Variants in SLC26A5 observed in about 807,000 individuals in gnomAD.
SLC26A5 encodes the protein solute carrier family 26 member 5, also known as prestin.
In SLC26A5, 51 loss-of-function variants were observed where a neutral mutation model predicts 81.0. That is an observed-to-expected ratio of 0.63 (90% CI 0.50 to 0.80). SLC26A5 has a LOEUF of 0.80. Ranked by LOEUF, SLC26A5 falls within the 30% of genes least tolerant of loss-of-function variation. SLC26A5 has a pLI of 0.00. For missense variants in SLC26A5, 771 were observed against 905.8 expected, an observed-to-expected ratio of 0.85 and a Z score of 1.91; for synonymous variants, 325 against 332.8, an observed-to-expected ratio of 0.98 and a Z score of 0.25.
intron 9 of SLC26A5, among the ~76,000 whole-genome samples, chr7:103,393,272 T>C (rs1822821107): frequency 6.6e-6 from 1 of 152,216 alleles, no homozygotes; most frequent in African/African-American, 2.4e-5. Context: ...AAAGTGCAGC[T>C]TTCTACCTGG....
chr7:103,378,357 G>A (rs575293791), intron 17 of SLC26A5, 89 bp downstream of exon 17: 59 of 1,272,810 alleles, frequency 4.6e-5, no homozygotes, highest in African/African-American at 8.8e-5. Context: ...TAGTAACTTC[G>A]TGCTGTGTTT....
chr7:103,368,978 A>G (rs2116284968), intron 19 of SLC26A5: 1 of 152,300 alleles, frequency 6.6e-6, no homozygotes, highest in African/African-American at 2.4e-5. Context: ...CCTATCTTCT[A>G]CCACAATTAC....
downstream of SLC26A5, among the ~76,000 whole-genome samples, chr7:103,372,719 C>T (rs1821105996): frequency 6.6e-6 from 1 of 152,066 alleles, no homozygotes. Flanking sequence ...AAAACATGGT[C>T]TTTAATGCTA....
rs1328285261 is a variant in SLC26A5 at position 103,421,496 on chromosome 7, T to C, written c.19A>G (p.Asn7Asp). 11 of 1,613,982 alleles carry C rather than the reference T, an allele frequency of 6.8e-6. No homozygotes were observed. The highest frequency in any genetic ancestry group is 6.8e-6 in the Non-Finnish European group (8 of 1,179,974). MDHAEE[N>D]EILAATQRYY... is the part of the protein sequence containing the mutation. Reference sequence around the variant, plus strand: ...CTCTGGGTTGCTGCAAGGATTTCATTTTCTTCAGCATGATCCATAGTACTC... The same window carrying C: ...CTCTGGGTTGCTGCAAGGATTTCATCTTCTTCAGCATGATCCATAGTACTC... Residue 7 changes from asparagine (N) to aspartate (D), a missense_variant, in exon 3 of 20, where the codon AAT (asparagine) becomes GAT (aspartate). Transcript: ENST00000306312.
At position 103,413,107 on chromosome 7, in the gene SLC26A5, C is replaced by T. The variant is rs1326313261; in HGVS notation, c.298G>A (p.Ala100Thr). Reference sequence around the variant, plus strand: ...GGCACAGCTGCCAGCATTGCAAAGGCTAAGCCTGTGGGATTAAAAACCAAA... The same window carrying T: ...GGCACAGCTGCCAGCATTGCAAAGGTTAAGCCTGTGGGATTAAAAACCAAA... The part of the protein sequence containing the change: ...TGVLQLPQGL[A>T]FAMLAAVPPI... Residue 100 changes from alanine (A) to threonine (T), a missense_variant, in exon 5 of 20, where the codon GCC becomes ACC. Transcript: ENST00000306312. 1 of 1,611,464 alleles carries T rather than the reference C, an allele frequency of 6.2e-7. No homozygotes were observed. The highest frequency in any genetic ancestry group is 8.5e-7 in the Non-Finnish European group (1 of 1,177,878).
At chr7:103,400,569 T>G (rs1474065279) in intron 8 of SLC26A5, among the ~76,000 whole-genome samples, 1 of 152,252 alleles carries the variant, frequency 6.6e-6, no homozygotes, top group East Asian at 1.9e-4. Flanking sequence ...CTCTTTAGTT[T>G]AATTAGATCC....
intron 14 of SLC26A5, among the ~76,000 whole-genome samples, chr7:103,381,431 CA>C (rs975679832): frequency 6.6e-6 from 1 of 151,028 alleles, no homozygotes; most frequent in Non-Finnish European, 1.5e-5. Flanking sequence ...ACACACCACA[CA>C]TACACAATAT....
At chr7:103,368,337 C>G (rs1410257567) in intron 19 of SLC26A5, 1 of 242,614 alleles carries the variant, frequency 4.1e-6, no homozygotes, top group Non-Finnish European at 7.8e-6. Flanking sequence ...GCCGGGTGCT[C>G]TACATATAAA....
At chr7:103,395,932 T>C (rs182890413) in intron 9 of SLC26A5, among the ~76,000 whole-genome samples, 2 of 152,272 alleles carry the variant, frequency 1.3e-5, no homozygotes, top group African/African-American at 4.8e-5. Flanking sequence ...TACTAATAAG[T>C]AGTTAACACG....
intron 9 of SLC26A5, among the ~76,000 whole-genome samples, chr7:103,394,612 T>G (rs934933450): frequency 4.3e-4 from 65 of 152,350 alleles, no homozygotes; most frequent in Admixed American, 9.1e-4. Flanking sequence ...AATGCACTGC[T>G]CATTTACCAA....
At chr7:103,381,248 CACAT>C (rs1330684337) in intron 14 of SLC26A5, among the ~76,000 whole-genome samples, 8 of 151,608 alleles carry the variant, frequency 5.3e-5, no homozygotes, top group African/African-American at 1.5e-4. Context: ...GCAATACACA[CACAT>C]ACAATGTATA....
At chr7:103,412,456 T>C (rs894968801) in intron 5 of SLC26A5, among the ~76,000 whole-genome samples, 1 of 152,110 alleles carries the variant, frequency 6.6e-6, no homozygotes, top group African/African-American at 2.4e-5. Flanking sequence ...TTTCAACAAT[T>C]GCCCTTTTAC....
downstream of SLC26A5, among the ~76,000 whole-genome samples, chr7:103,372,765 A>T (rs1297856528): frequency 3.3e-5 from 5 of 152,124 alleles, no homozygotes; most frequent in Non-Finnish European, 7.4e-5. Flanking sequence ...GTTTCTAAGG[A>T]CTTATACTGG....
chr7:103,431,262 T>G (rs1284431623), intron 2 of SLC26A5, among the ~76,000 whole-genome samples: 1 of 152,162 alleles, frequency 6.6e-6, no homozygotes, highest in Non-Finnish European at 1.5e-5. Context: ...AAAGCAATAC[T>G]TTTCCATCCC....
At chr7:103,402,569 T>G (rs1020104331) in intron 8 of SLC26A5, among the ~76,000 whole-genome samples, 2 of 151,950 alleles carry the variant, frequency 1.3e-5, no homozygotes. Flanking sequence ...CTGGCTAATT[T>G]TTTTTATTTT....
At chr7:103,366,662 C>T (rs926632747) in intron 19 of SLC26A5, among the ~76,000 whole-genome samples, 24 of 152,126 alleles carry the variant, frequency 1.6e-4, no homozygotes, top group Admixed American at 7.2e-4. Flanking sequence ...TTAAACAACT[C>T]GTAAATTGAG....
chr7:103,397,771 TA>T, intron 9 of SLC26A5, among the ~76,000 whole-genome samples, 160 bp downstream of exon 9: 1 of 149,784 alleles, frequency 6.7e-6, no homozygotes, highest in Non-Finnish European at 1.5e-5. Context: ...TTTACTACAA[TA>T]AAAATAAAAA....
intron 19 of SLC26A5, among the ~76,000 whole-genome samples, chr7:103,365,363 G>A (rs1467767658): frequency 1.3e-5 from 2 of 152,144 alleles, no homozygotes; most frequent in South Asian, 2.1e-4. Context: ...CAGGCACGGT[G>A]GCTCATGCCT....
intron 2 of SLC26A5, among the ~76,000 whole-genome samples, chr7:103,439,060 A>C (rs949591476): frequency 2.6e-5 from 4 of 152,196 alleles, no homozygotes. Flanking sequence ...ATTTTGCATA[A>C]GTTTATTATG....
Sources: gnomAD v4.1 joint callset for allele counts (sites outside exome capture counted in the v4.1 genomes callset) on GRCh38, gnomAD v4.1.1 for gene constraint, MANE v1.5 for transcripts, NCBI Gene and HGNC (gene_info 2026-07-23, HGNC 2026-07-21) for gene names.